MAS1: variants seen among roughly 807,000 people sequenced by gnomAD.
The protein encoded by MAS1 is MAS1 proto-oncogene, G protein-coupled receptor.
For missense variants in MAS1, 387 were observed against 409.7 expected (o/e 0.94, Z 0.48); for synonymous variants, 163 against 164.2 (o/e 0.99, Z 0.05).
At position 159,907,816 on chromosome 6, in the gene MAS1, G is replaced by T. The variant is rs1172975381; in HGVS notation, c.861G>T (p.Lys287Asn). The change falls in exon 3 of 3, where the codon AAG (lysine) becomes AAT (asparagine). Residue 287 changes from lysine to asparagine, a missense_variant. Coordinates refer to ENST00000674077, the MANE Select transcript of MAS1 (RefSeq NM_002377.4). ...TTTACTTCTTTGTGGGAAGCAGTAA[G>T]AAGAAGAGATTCAAGGAGTCCTTAA... Reference protein sequence around the residue: ...PFIYFFVGSSKKKRFKESLKV... With the variant: ...PFIYFFVGSSNKKRFKESLKV... The T allele has an allele frequency of 6.2e-7, 1 of 1,613,008 alleles. No individual in the cohort carries two copies. Among genetic ancestry groups the T allele is most frequent in the Non-Finnish European group, 8.5e-7 (1 of 1,179,852 alleles).
chr6:159,907,806 G>A lies in MAS1; in HGVS notation c.851G>A (p.Gly284Glu), dbSNP rs1782914583. 4.3e-6 allele frequency: 7 copies of A among 1,613,018 alleles called. No homozygotes were observed. Among genetic ancestry groups the A allele is most frequent in the Non-Finnish European group, 5.9e-6 (7 of 1,179,866 alleles). ...AACCCTTTCATTTACTTCTTTGTGGGAAGCAGTAAGAAGAAGAGATTCAAG... is the reference window on the plus strand; with the variant it reads ...AACCCTTTCATTTACTTCTTTGTGGAAAGCAGTAAGAAGAAGAGATTCAAG... Reference protein sequence around the residue: ...SANPFIYFFVGSSKKKRFKES... With the variant: ...SANPFIYFFVESSKKKRFKES... Residue 284 changes from glycine to glutamate, a missense_variant, in exon 3 of 3, where the codon GGA (glycine) becomes GAA (glutamate). Gly to Glu is a moderately conservative substitution (Grantham distance 98). Transcript: ENST00000674077.
chr6:159,895,767 G>C (rs1462441341), intron 1 of MAS1, among the ~76,000 whole-genome samples: 1 of 152,162 alleles, frequency 6.6e-6, no homozygotes, highest in African/African-American at 2.4e-5. Flanking sequence ...ATATACTGTT[G>C]ATGTTGGTAT....
rs1437969251 is a variant in MAS1, at chr6:159,897,523, A to G, written c.-243-1663A>G. Among the ~76,000 whole-genome samples the G allele has an allele frequency of 2.6e-5, 4 of 152,302 alleles. No homozygotes were observed. In the East Asian group the frequency reaches 7.7e-4, roughly 29 times the overall value. On this transcript the variant is annotated intron_variant, in intron 1 of 2. Transcript: ENST00000674077. Reference sequence around the variant, plus strand: ...ATCTTGTGCCTAACTTGTTAGTCTTACAAAGGCATTCTGGTACCCAGGCAA... The same window carrying G: ...ATCTTGTGCCTAACTTGTTAGTCTTGCAAAGGCATTCTGGTACCCAGGCAA...
intron 1 of MAS1, among the ~76,000 whole-genome samples, chr6:159,892,462 C>T (rs1465742321): frequency 6.6e-6 from 1 of 152,112 alleles, no homozygotes; most frequent in Non-Finnish European, 1.5e-5. Flanking sequence ...CTGCCTTTCT[C>T]CCCAGCCCCC....
chr6:159,894,725 T>C (rs1025353366), intron 1 of MAS1, among the ~76,000 whole-genome samples: 1 of 152,194 alleles, frequency 6.6e-6, no homozygotes, highest in Admixed American at 6.5e-5. Context: ...CTTTCTCTTA[T>C]TTGTTCTGAT....
At position 159,911,358 on chromosome 6, in the gene MAS1, A is replaced by C. The variant is rs1782962674; in HGVS notation, c.*3425A>C. Reference sequence around the variant, plus strand: ...TTTTTTTTTTTTTTTTTTTTGAGACAGAGTCTTGCTCTGTTGCCCCAGCTG... The same window carrying C: ...TTTTTTTTTTTTTTTTTTTTGAGACCGAGTCTTGCTCTGTTGCCCCAGCTG... On this transcript the variant is annotated 3_prime_UTR_variant, in exon 3 of 3. Transcript: ENST00000674077. The C allele has an allele frequency of 8.9e-6, 1 of 112,490 alleles. No individual in the cohort carries two copies. The highest frequency in any genetic ancestry group is 2.8e-4 in the South Asian group (1 of 3,586). 7.0% of individuals were successfully genotyped at this position (112,490 alleles called of 1,614,324 possible).
chr6:159,906,984 T>A lies in MAS1; in HGVS notation c.29T>A (p.Val10Asp). ...GATGGGTCAAACGTGACATCATTTG[T>A]TGTTGAGGAACCCACGAACATCTCA... MDGSNVTSF[V>D]VEEPTNISTG... is the part of the protein sequence containing the mutation. Residue 10 changes from valine to aspartate, a missense_variant, in exon 3 of 3, where the codon GTT (valine) becomes GAT (aspartate). Physicochemically the swap from Val to Asp is radical, Grantham distance 152. Transcript: ENST00000674077. 6.2e-7 allele frequency: 1 copy of A among 1,609,210 alleles called. No individual in the cohort carries two copies. The highest frequency in any genetic ancestry group is 1.3e-5 in the African/African-American group (1 of 74,986).
rs1292100657 is a variant in MAS1, at chr6:159,908,700, T to G, written c.*767T>G. On this transcript the variant is annotated 3_prime_UTR_variant, in exon 3 of 3. Transcript: ENST00000674077. ...TATGATCTAACAAGCCATGTGCTAG[T>G]GCATCATTTCAGGTTGTGAAGAAAT... is the stretch of plus-strand genomic sequence containing the variant. 1.3e-5 allele frequency: 2 copies of G among 152,170 alleles called. No homozygotes were observed. Among genetic ancestry groups the G allele is most frequent in the African/African-American group, 4.8e-5 (2 of 41,436 alleles). 9.4% of individuals were successfully genotyped at this position (152,170 alleles called of 1,614,324 possible).
intron 2 of MAS1, chr6:159,902,386 G>C (rs1052057424): frequency 2.0e-5 from 3 of 152,148 alleles, no homozygotes; most frequent in Non-Finnish European, 2.9e-5. Context: ...AGGGAACCAG[G>C]CTCATCTGAA....
chr6:159,889,791 G>C (rs180828462), upstream of MAS1, among the ~76,000 whole-genome samples: 8 of 152,326 alleles, frequency 5.3e-5, no homozygotes, highest in East Asian at 1.5e-3. Flanking sequence ...GTAGATGCCT[G>C]CTGGCTTCAG....
Position 159,907,440 on chromosome 6 carries a change from T to G in MAS1, c.485T>G (p.Leu162Trp). 2 of 1,614,088 alleles carry G rather than the reference T, an allele frequency of 1.2e-6. No homozygotes were observed. Among genetic ancestry groups the G allele is most frequent in the Non-Finnish European group, 1.7e-6 (2 of 1,180,026 alleles). The change falls in exon 3 of 3, where the codon TTG (leucine) becomes TGG (tryptophan). Residue 162 changes from leucine (L) to tryptophan (W), a missense_variant. Physicochemically the swap from Leu to Trp is moderately conservative, Grantham distance 61. Transcript: ENST00000674077. ...VCALLWALSCLVTTMEYVMCI... is the reference protein window; with the variant it reads ...VCALLWALSCWVTTMEYVMCI... Reference sequence around the variant, plus strand: ...GCCCTTCTGTGGGCTCTTTCTTGCTTGGTGACCACCATGGAGTATGTCATG... The same window carrying G: ...GCCCTTCTGTGGGCTCTTTCTTGCTGGGTGACCACCATGGAGTATGTCATG...
At chr6:159,892,553 G>A (rs1426689609) in intron 1 of MAS1, among the ~76,000 whole-genome samples, 2 of 152,146 alleles carry the variant, frequency 1.3e-5, no homozygotes, top group African/African-American at 4.8e-5. Flanking sequence ...ATGGGAATGT[G>A]GAAGGGGTTG....
intron 2 of MAS1, among the ~76,000 whole-genome samples, chr6:159,905,260 G>T (rs912620818): frequency 3.9e-5 from 6 of 152,196 alleles, no homozygotes; most frequent in African/African-American, 1.2e-4. Flanking sequence ...GAACATGGTG[G>T]TCTTACTTGC....
chr6:159,891,184 G>A (rs1316563040), intron 1 of MAS1, among the ~76,000 whole-genome samples, 51 bp downstream of exon 1: 5 of 152,188 alleles, frequency 3.3e-5, no homozygotes, highest in Admixed American at 3.3e-4. Context: ...GACAACCAGA[G>A]TAAGATTTTC....
chr6:159,911,664 T>G lies in MAS1; in HGVS notation c.*3731T>G, dbSNP rs1314786083. 2 of 152,200 alleles carry G rather than the reference T, an allele frequency of 1.3e-5. No homozygotes were observed. Among genetic ancestry groups the G allele is most frequent in the Non-Finnish European group, 2.9e-5 (2 of 68,070 alleles). 9.4% of individuals were successfully genotyped at this position (152,200 alleles called of 1,614,324 possible). ...GAGACTCAGGAGAGCCTCTGGAAGC[T>G]GAGTTCCTGGATAACCGTGCCATAC... On this transcript the variant is annotated 3_prime_UTR_variant, in exon 3 of 3. Coordinates refer to ENST00000674077, the MANE Select transcript of MAS1 (RefSeq NM_002377.4).
intron 1 of MAS1, among the ~76,000 whole-genome samples, chr6:159,893,633 G>T (rs1782724692): frequency 6.6e-6 from 1 of 152,116 alleles, no homozygotes; most frequent in African/African-American, 2.4e-5. Context: ...GGAGATATTG[G>T]TGTCAATTTA....
chr6:159,901,542 T>A (rs1375956130), intron 2 of MAS1, among the ~76,000 whole-genome samples: 1 of 152,174 alleles, frequency 6.6e-6, no homozygotes, highest in African/African-American at 2.4e-5. Context: ...GAAGCTGCAG[T>A]GAGCTATGAT....
Position 159,907,372 on chromosome 6 carries a change from GT to G in MAS1, c.418del (p.Tyr140ThrfsTer24). The G allele has an allele frequency of 6.2e-7, 1 of 1,614,114 alleles. No homozygotes were observed. The highest frequency in any genetic ancestry group is 8.5e-7 in the Non-Finnish European group (1 of 1,180,040). On this transcript the variant is annotated frameshift_variant, in exon 3 of 3. Coordinates refer to ENST00000674077, the MANE Select transcript of MAS1 (RefSeq NM_002377.4). LOFTEE classifies it low-confidence loss of function (END_TRUNC). The stretch of plus-strand genomic sequence containing the variant: ...GCCTGTCAGTCCTTTACCCCATCTG[GT>G]ACCGATGCCATCGCCCCAAGTACCA... ...RCLSVLYPIW[Y>X]RCHRPKYQSA...
chr6:159,889,337 C>T (rs189488131), upstream of MAS1, among the ~76,000 whole-genome samples: 162 of 152,316 alleles, frequency 1.1e-3, 3 homozygotes, highest in South Asian at 0.03. Context: ...GGTCACTCTG[C>T]GCAGGGTTTC....
Sources: allele counts gnomAD v4.1 joint callset (sites outside exome capture counted in the v4.1 genomes callset), GRCh38; gene constraint gnomAD v4.1.1; transcripts MANE v1.5; gene names NCBI Gene and HGNC (gene_info 2026-07-23, HGNC 2026-07-21).